Variants in CADM3 observed in about 807,000 individuals in gnomAD.
CADM3 encodes TSLC1-like 1.
CADM3 carries 11 observed loss-of-function variants against 44.9 expected under a neutral mutation model. The observed-to-expected ratio is 0.25, with a 90% CI of 0.15 to 0.41. CADM3 has a LOEUF of 0.41. CADM3 is among the 10% of genes least tolerant of loss of function. The pLI, the probability that CADM3 is intolerant of heterozygous loss-of-function variation, is 1.00. For missense variants in CADM3, 426 were observed against 512.0 expected, an observed-to-expected ratio of 0.83 and a Z score of 1.62; for synonymous variants, 207 against 205.2, an observed-to-expected ratio of 1.01 and a Z score of -0.08.
chr1:159,199,695 G>C, intron 7 of CADM3, 56 bp from the exon 8 acceptor site: 1 of 1,613,126 alleles, frequency 6.2e-7, no homozygotes, highest in Non-Finnish European at 8.5e-7. Flanking sequence ...AAGTTGGAAT[G>C]CTATAAGATA....
At chr1:159,200,782 A>C in intron 8 of CADM3, 22 bp from the exon 9 acceptor site, 3 of 1,550,678 alleles carry the variant, frequency 1.9e-6, no homozygotes, top group Non-Finnish European at 2.6e-6. Flanking sequence ...TCCTGAGAGG[A>C]GAAGCCTCTG....
At chr1:159,190,491 A>G (rs1461604620) in intron 1 of CADM3, among the ~76,000 whole-genome samples, 2 of 152,234 alleles carry the variant, frequency 1.3e-5, no homozygotes, top group Non-Finnish European at 1.5e-5. Context: ...CATTGCCTAC[A>G]TTTGTAAAAT....
chr1:159,189,714 C>T, intron 1 of CADM3: 4 of 1,308,740 alleles, frequency 3.1e-6, no homozygotes, highest in Non-Finnish European at 4.3e-6. Flanking sequence ...AAAGTAGAGC[C>T]CCACACTGTA....
rs1346956981 is a variant in CADM3, at chr1:159,171,637, C to T, written c.-129C>T. On this transcript the variant is annotated 5_prime_UTR_variant, in exon 1 of 9. Transcript: ENST00000368125. ...GCCGGCTCCCTCCCGGTCCCCACCT[C>T]GGCCCCGGGCTCCGAAGCGGCTCGG... The T allele has an allele frequency of 1.7e-6, 1 of 573,180 alleles. No homozygotes were observed. Among genetic ancestry groups the T allele is most frequent in the Non-Finnish European group, 2.6e-6 (1 of 386,954 alleles). 35.5% of individuals were successfully genotyped at this position (573,180 alleles called of 1,614,324 possible).
At chr1:159,180,912 G>C (rs1234640529) in intron 1 of CADM3, among the ~76,000 whole-genome samples, 1 of 152,176 alleles carries the variant, frequency 6.6e-6, no homozygotes, top group Non-Finnish European at 1.5e-5. Flanking sequence ...AGGAGCATAG[G>C]AGAATAAGAC....
rs1459954666 is a variant in CADM3, at chr1:159,184,200, A to G, written c.89-7736A>G. Among the ~76,000 whole-genome samples the G allele has an allele frequency of 7.2e-5, 11 of 152,236 alleles. No individual in the cohort carries two copies. The East Asian group carries it at 2.1e-3, about 29-fold the overall frequency. Reference sequence around the variant, plus strand: ...ATCCAACTGTACATAGAATTCACTAAGAAGCTGGGGTTAGGGAAAAATGAG... The same window carrying G: ...ATCCAACTGTACATAGAATTCACTAGGAAGCTGGGGTTAGGGAAAAATGAG... On this transcript the variant is annotated intron_variant, in intron 1 of 8. Coordinates refer to ENST00000368125, the MANE Select transcript of CADM3 (RefSeq NM_001127173.3).
chr1:159,199,070 G>A (rs570833933), intron 7 of CADM3, among the ~76,000 whole-genome samples: 39 of 152,104 alleles, frequency 2.6e-4, no homozygotes, highest in Non-Finnish European at 3.4e-4. Context: ...TTACATAGAT[G>A]ATAGATTGTG....
intron 1 of CADM3, among the ~76,000 whole-genome samples, chr1:159,187,662 C>T (rs947082758): frequency 1.3e-4 from 20 of 152,164 alleles, no homozygotes; most frequent in Non-Finnish European, 2.2e-4. Context: ...ATACCAATAC[C>T]GAGGGACTGA....
Position 159,197,063 on chromosome 1 carries a change from A to C in CADM3, c.952+3A>C, listed in dbSNP as rs200743661. ...CTACTACACCCTCAATGTTAATGGT[A>C]AGCCCTCCTCAGTTCTCTTCCTCCA... On this transcript the variant is annotated splice_donor_region_variant and intron_variant, in intron 7 of 8. Transcript: ENST00000368125. 6.2e-7 allele frequency: 1 copy of C among 1,613,286 alleles called. No homozygotes were observed. The highest frequency in any genetic ancestry group is 8.5e-7 in the Non-Finnish European group (1 of 1,179,340).
At chr1:159,181,569 C>T (rs913080707) in intron 1 of CADM3, among the ~76,000 whole-genome samples, 5 of 152,188 alleles carry the variant, frequency 3.3e-5, no homozygotes. Flanking sequence ...TCAGGCAGAA[C>T]ACTAGATGCT....
At chr1:159,189,727 A>G in intron 1 of CADM3, 5 of 1,397,276 alleles carry the variant, frequency 3.6e-6, no homozygotes, top group East Asian at 2.4e-5. Flanking sequence ...ACACTGTAGC[A>G]GGATACATGT....
At chr1:159,178,107 A>T (rs879545498) in intron 1 of CADM3, among the ~76,000 whole-genome samples, 3 of 152,204 alleles carry the variant, frequency 2.0e-5, no homozygotes, top group African/African-American at 4.8e-5. Flanking sequence ...TGCTATGTAA[A>T]TAGTTGTTTT....
intron 1 of CADM3, among the ~76,000 whole-genome samples, chr1:159,190,654 C>T (rs1320230974): frequency 6.6e-6 from 1 of 152,204 alleles, no homozygotes; most frequent in Non-Finnish European, 1.5e-5. Flanking sequence ...CCAGCACGCA[C>T]ATCTTCATTC....
At chr1:159,197,696 T>C (rs1446230072) in intron 7 of CADM3, 1 of 152,032 alleles carries the variant, frequency 6.6e-6, no homozygotes, top group East Asian at 1.9e-4. Context: ...TTATGGAGAG[T>C]TGACGGGCGA....
chr1:159,179,981 C>A (rs1571007092), intron 1 of CADM3, among the ~76,000 whole-genome samples: 1 of 152,274 alleles, frequency 6.6e-6, no homozygotes, highest in Middle Eastern at 3.4e-3. Context: ...AGCCCCTGAG[C>A]CTCCCATATT....
At chr1:159,180,315 T>C (rs1468439053) in intron 1 of CADM3, among the ~76,000 whole-genome samples, 1 of 152,124 alleles carries the variant, frequency 6.6e-6, no homozygotes, top group Non-Finnish European at 1.5e-5. Flanking sequence ...TCAGAGTGTC[T>C]TGTGTGTGTG....
intron 1 of CADM3, among the ~76,000 whole-genome samples, chr1:159,183,806 CAG>C (rs1649324763): frequency 6.6e-6 from 1 of 152,062 alleles, no homozygotes; most frequent in Non-Finnish European, 1.5e-5. Flanking sequence ...GGGGGACAGA[CAG>C]AGTTAGAAAG....
intron 6 of CADM3, 176 bp from the exon 7 acceptor site, chr1:159,196,715 C>T: frequency 3.0e-6 from 2 of 673,284 alleles, no homozygotes; most frequent in South Asian, 4.0e-5. Context: ...ACAGCTTCCC[C>T]AGAACGAACC....
At chr1:159,172,277 G>A (rs915975450) in intron 1 of CADM3, among the ~76,000 whole-genome samples, 15 of 152,244 alleles carry the variant, frequency 9.9e-5, no homozygotes, top group African/African-American at 3.1e-4. Flanking sequence ...CAGGGCGTGT[G>A]TCGGGTGTTT....
Sources: allele counts gnomAD v4.1 joint callset (sites outside exome capture counted in the v4.1 genomes callset), GRCh38; gene constraint gnomAD v4.1.1; transcripts MANE v1.5; gene names NCBI Gene and HGNC (gene_info 2026-07-23, HGNC 2026-07-21).